Variants in HUNK observed in about 807,000 individuals in gnomAD.
The protein encoded by HUNK is hormonally up-regulated neu tumor-associated kinase.
HUNK carries 21 observed loss-of-function variants against 61.0 expected under a neutral mutation model. That is an observed-to-expected ratio of 0.34 (90% confidence interval 0.24 to 0.50). The LOEUF (loss-of-function observed/expected upper bound fraction) is 0.50. Among genes scored for constraint, HUNK ranks in the 20% least tolerant of loss-of-function variants. The pLI, the probability that HUNK is intolerant of heterozygous loss-of-function variation, is 0.98. For missense variants in HUNK, 772 were observed against 945.7 expected (o/e 0.82, Z 2.41); for synonymous variants, 371 against 386.1 (o/e 0.96, Z 0.46).
intron 6 of HUNK, among the ~76,000 whole-genome samples, chr21:31,970,278 G>A (rs1055860983): frequency 2.6e-5 from 4 of 152,328 alleles, no homozygotes; most frequent in African/African-American, 9.6e-5. Flanking sequence ...GTGGGAGTCT[G>A]CATCCACACT....
At chr21:31,998,095 T>C (rs567393533) in intron 10 of HUNK, among the ~76,000 whole-genome samples, 2 of 152,024 alleles carry the variant, frequency 1.3e-5, no homozygotes, top group Admixed American at 1.3e-4. Flanking sequence ...TTTTTTAAAA[T>C]TTTTTTAGAG....
intron 1 of HUNK, among the ~76,000 whole-genome samples, chr21:31,887,930 T>C (rs1375826841): frequency 6.6e-6 from 1 of 152,128 alleles, no homozygotes; most frequent in East Asian, 1.9e-4. Context: ...GGTTTTTGCT[T>C]TGATCATGAG....
At chr21:31,945,471 C>T (rs1230033490) in intron 3 of HUNK, among the ~76,000 whole-genome samples, 1 of 152,112 alleles carries the variant, frequency 6.6e-6, no homozygotes, top group Non-Finnish European at 1.5e-5. Flanking sequence ...GTATTTTTCC[C>T]CTCTTCAAGT....
At position 31,873,622 on chromosome 21, in the gene HUNK, G is replaced by C; in HGVS notation, c.-53G>C. On this transcript the variant is annotated 5_prime_UTR_variant, in exon 1 of 11. Coordinates refer to ENST00000270112, the MANE Select transcript of HUNK (RefSeq NM_014586.2). This position sits in a 1 kb window ranked among gnomAD's most constrained non-coding sequence, Gnocchi z 6.1. Reference sequence around the variant, plus strand: ...GGGAAGCCGAAGAGCCTGGGGAGGAGGAGCTGCGAGCGCGGGAGACGAGCA... The same window carrying C: ...GGGAAGCCGAAGAGCCTGGGGAGGACGAGCTGCGAGCGCGGGAGACGAGCA... 1.0e-6 allele frequency: 1 copy of C among 987,186 alleles called. No homozygotes were observed. Among genetic ancestry groups the C allele is most frequent in the Non-Finnish European group, 1.2e-6 (1 of 831,074 alleles). The allele number at this position is 987,186 out of a possible 1,614,324, so 61.2% of individuals were successfully genotyped here. A position where few individuals can be genotyped will look rare whatever the true frequency, so the allele number is the denominator to read the frequency against.
Position 31,873,815 on chromosome 21 carries a change from G to T in HUNK, c.141G>T (p.Glu47Asp). The T allele has an allele frequency of 6.4e-7, 1 of 1,571,944 alleles. No individual in the cohort carries two copies. The highest frequency in any genetic ancestry group is 8.6e-7 in the Non-Finnish European group (1 of 1,162,410). ...LPAWVSGVPR[E>D]RLRDFQHHKR... is the part of the protein sequence containing the mutation. ...CCTGGGTGAGCGGCGTGCCCCGCGA[G>T]CGGCTCCGCGACTTCCAGCACCACA... is the stretch of plus-strand genomic sequence containing the variant. Residue 47 changes from glutamate (E) to aspartate (D), a missense_variant, in exon 1 of 11, where the codon GAG (glutamate) becomes GAT (aspartate). Physicochemically the swap from Glu to Asp is conservative, Grantham distance 45. Coordinates refer to ENST00000270112, the MANE Select transcript of HUNK (RefSeq NM_014586.2). This position sits in a 1 kb window ranked among gnomAD's most constrained non-coding sequence, Gnocchi z 6.1.
rs770134538 is a variant in HUNK at position 31,971,603 on chromosome 21, T to C, written c.1011-2952T>C. 2.0e-5 allele frequency among the ~76,000 whole-genome samples: 3 copies of C among 152,280 alleles called. No homozygotes were observed. The East Asian group carries it at 5.8e-4, about 29-fold the overall frequency. ...TACCTAGCCCCAGATGTATTTTAAG[T>C]GTTGTCAATATTTTTCTTTTGAGAA... On this transcript the variant is annotated intron_variant, in intron 6 of 10. Coordinates refer to ENST00000270112, the MANE Select transcript of HUNK (RefSeq NM_014586.2).
In HUNK at chr21:32,001,052, G is replaced by A. The variant is rs1372681310; in HGVS notation, c.*1868G>A. 2.7e-5 allele frequency: 6 copies of A among 225,036 alleles called. No homozygotes were observed. The highest frequency in any genetic ancestry group is 8.6e-6 in the Non-Finnish European group (1 of 116,408). 13.9% of individuals were successfully genotyped at this position (225,036 alleles called of 1,614,324 possible). On this transcript the variant is annotated 3_prime_UTR_variant, in exon 11 of 11. Coordinates refer to ENST00000270112, the MANE Select transcript of HUNK (RefSeq NM_014586.2). ...TTTGGGAGGCCGAGGCAGGTGGATC[G>A]CTTGAGCTCAGGAGTTCGAGAGCAG...
At position 31,885,745 on chromosome 21, in the gene HUNK, A is replaced by T. The variant is rs186508696; in HGVS notation, c.261+11810A>T. Among the ~76,000 whole-genome samples, 6 of 151,186 alleles carry T rather than the reference A, an allele frequency of 4.0e-5. No individual in the cohort carries two copies. The East Asian group carries it at 9.7e-4, about 25-fold the overall frequency. ...CAAATGTTCCCTTTTGTATTTTTTT[A>T]TTTTTTTGATACAGAGACTTGCTCT... On this transcript the variant is annotated intron_variant, in intron 1 of 10. Coordinates refer to ENST00000270112, the MANE Select transcript of HUNK (RefSeq NM_014586.2).
At chr21:31,933,024 G>T (rs936310043) in intron 2 of HUNK, among the ~76,000 whole-genome samples, 1 of 150,634 alleles carries the variant, frequency 6.6e-6, no homozygotes, top group Non-Finnish European at 1.5e-5. Flanking sequence ...CGATGCTCAT[G>T]CCTCAGTCTC....
intron 6 of HUNK, among the ~76,000 whole-genome samples, chr21:31,968,715 AGTGT>A (rs746064468): frequency 0.2 from 17,554 of 87,152 alleles, 1,386 homozygotes; most frequent in East Asian, 0.38. Context: ...CTGTGGCCCG[AGTGT>A]GTGTGTGTGT....
rs936144883 is a variant in HUNK, at chr21:32,000,003, C to G, written c.*819C>G. The stretch of plus-strand genomic sequence containing the variant: ...GGGTTCAGTGTGGAGAGCAAAAAAG[C>G]TGACTGTGGTGATTTGCTGAGTGCT... On this transcript the variant is annotated 3_prime_UTR_variant, in exon 11 of 11. Transcript: ENST00000270112. 6.3e-5 allele frequency: 25 copies of G among 396,644 alleles called. No homozygotes were observed. Among genetic ancestry groups the G allele is most frequent in the South Asian group, 1.4e-4 (1 of 6,988 alleles). 24.6% of individuals were successfully genotyped at this position (396,644 alleles called of 1,614,324 possible).
At chr21:31,881,054 G>A (rs1257142874) in intron 1 of HUNK, among the ~76,000 whole-genome samples, 5 of 152,222 alleles carry the variant, frequency 3.3e-5, no homozygotes, top group African/African-American at 7.2e-5. Flanking sequence ...GCATGGCCTC[G>A]TACGGGACAG....
chr21:31,918,734 G>T (rs2123812411), intron 1 of HUNK, among the ~76,000 whole-genome samples: 1 of 152,296 alleles, frequency 6.6e-6, no homozygotes, highest in African/African-American at 2.4e-5. Flanking sequence ...TGGCATTTAG[G>T]ACTCACCCAG....
At chr21:31,919,651 T>A (rs532731508) in intron 1 of HUNK, among the ~76,000 whole-genome samples, 1 of 152,182 alleles carries the variant, frequency 6.6e-6, no homozygotes, top group Non-Finnish European at 1.5e-5. Flanking sequence ...AAAACCCTGA[T>A]ATGGGCTGGT....
At chr21:31,960,565 G>A (rs2052920378) in intron 5 of HUNK, among the ~76,000 whole-genome samples, 1 of 152,138 alleles carries the variant, frequency 6.6e-6, no homozygotes, top group Admixed American at 6.5e-5. Flanking sequence ...AAGGAAAGAG[G>A]TTTAATAGAC....
chr21:31,998,129 C>T (rs369919865), intron 10 of HUNK, among the ~76,000 whole-genome samples: 33 of 152,242 alleles, frequency 2.2e-4, no homozygotes, highest in East Asian at 9.7e-4. Context: ...ATATTGCTCA[C>T]GCTGGTCTTG....
chr21:31,879,247 C>A (rs1441451641), intron 1 of HUNK, among the ~76,000 whole-genome samples: 1 of 152,194 alleles, frequency 6.6e-6, no homozygotes, highest in Non-Finnish European at 1.5e-5. Context: ...CTCTGAGGAA[C>A]AAGAAATGCT....
chr21:31,873,022 T>G lies in HUNK; in HGVS notation c.-653T>G, dbSNP rs57981699. ...TGGCGCGCGGGGAAGGAGGGGCTAC[T>G]AGGGATTTGAAAGTGCACGGGCTGC... On this transcript the variant is annotated 5_prime_UTR_variant, in exon 1 of 11. Coordinates refer to ENST00000270112, the MANE Select transcript of HUNK (RefSeq NM_014586.2). The surrounding 1 kb of genome is among the most constrained non-coding windows in gnomAD (Gnocchi z 6.1). Among the ~76,000 whole-genome samples the G allele has an allele frequency of 0.016, 2,413 of 152,208 alleles. 64 individuals carry two copies. The highest frequency in any genetic ancestry group is 0.053 in the African/African-American group (2,196 of 41,560).
At chr21:31,900,947 G>A (rs1201423034) in intron 1 of HUNK, among the ~76,000 whole-genome samples, 2 of 152,120 alleles carry the variant, frequency 1.3e-5, no homozygotes, top group African/African-American at 2.4e-5. Flanking sequence ...CCCTCTGAGG[G>A]CTTTGGGGAA....
Sources: gnomAD v4.1 joint callset for allele counts (sites outside exome capture counted in the v4.1 genomes callset) on GRCh38, gnomAD v4.1.1 for gene constraint, Gnocchi (gnomAD v3.1) non-coding constraint, MANE v1.5 for transcripts, NCBI Gene and HGNC (gene_info 2026-07-23, HGNC 2026-07-21) for gene names.